HTR7: variants seen among roughly 807,000 people sequenced by gnomAD.
HTR7 encodes 5-hydroxytryptamine receptor 7.
In HTR7, 16 loss-of-function variants were observed where a neutral mutation model predicts 34.0. The observed-to-expected ratio is 0.47, with a 90% CI of 0.32 to 0.71. The LOEUF is 0.71. Ranked by LOEUF, HTR7 falls within the 30% of genes least tolerant of loss-of-function variation. The probability of loss-of-function intolerance (pLI) is 0.04; values close to 1 mark genes in which losing one functional copy is unlikely to be tolerated. For synonymous variants in HTR7, 265 were observed against 260.2 expected (o/e 1.02, Z -0.18); for missense variants, 504 against 625.5 (o/e 0.81, Z 2.07).
chr10:90,757,095 A>G (rs1184502149), intron 1 of HTR7, among the ~76,000 whole-genome samples: 2 of 152,232 alleles, frequency 1.3e-5, no homozygotes, highest in Admixed American at 1.3e-4. Context: ...AATAAAAGAA[A>G]TGAATGGCAT....
At chr10:90,776,224 T>C (rs1445528956) in intron 1 of HTR7, among the ~76,000 whole-genome samples, 1 of 152,228 alleles carries the variant, frequency 6.6e-6, no homozygotes, top group Non-Finnish European at 1.5e-5. Flanking sequence ...TACTATTTCA[T>C]GTCTGTAATA....
At chr10:90,806,183 A>G (rs376587587) in intron 1 of HTR7, among the ~76,000 whole-genome samples, 1 of 152,354 alleles carries the variant, frequency 6.6e-6, no homozygotes, top group South Asian at 2.1e-4. Context: ...TTTCTTCAAA[A>G]TGAAGAAAAA....
At chr10:90,807,603 A>C (rs57825126) in intron 1 of HTR7, among the ~76,000 whole-genome samples, 42,531 of 152,022 alleles carry the variant, frequency 0.28, 6,514 homozygotes, top group African/African-American at 0.41. Flanking sequence ...CTACCCAAAT[A>C]TTATAAAACG....
chr10:90,752,834 A>C, intron 1 of HTR7, among the ~76,000 whole-genome samples: 1 of 152,230 alleles, frequency 6.6e-6, no homozygotes, highest in Admixed American at 6.5e-5. Flanking sequence ...GTTTGATTAA[A>C]TATAAATCTC....
At chr10:90,768,111 T>A (rs982434506) in intron 1 of HTR7, among the ~76,000 whole-genome samples, 5 of 152,124 alleles carry the variant, frequency 3.3e-5, no homozygotes, top group Non-Finnish European at 7.3e-5. Context: ...ACTTAGTGAG[T>A]CTGTCCCAGA....
intron 1 of HTR7, among the ~76,000 whole-genome samples, chr10:90,805,708 T>G: frequency 6.6e-6 from 1 of 152,218 alleles, no homozygotes; most frequent in East Asian, 1.9e-4. Context: ...ATGAAAAATC[T>G]TATAACTCTG....
At chr10:90,844,761 A>G (rs1305306687) in intron 1 of HTR7, among the ~76,000 whole-genome samples, 1 of 145,720 alleles carries the variant, frequency 6.9e-6, no homozygotes, top group East Asian at 2.0e-4. Context: ...AAAAAAAAAA[A>G]AAAGATCAGT....
chr10:90,851,143 G>T (rs536965484), intron 1 of HTR7, among the ~76,000 whole-genome samples: 4 of 152,224 alleles, frequency 2.6e-5, no homozygotes, highest in South Asian at 4.1e-4. Context: ...AACCCTAAAA[G>T]TCAGGGTAAA....
At chr10:90,748,534 AGGATAT>A (rs1240333167) in intron 2 of HTR7, among the ~76,000 whole-genome samples, 3 of 152,244 alleles carry the variant, frequency 2.0e-5, no homozygotes, top group Non-Finnish European at 4.4e-5. Context: ...TTCAGATGTA[AGGATAT>A]CATTTGGATG....
chr10:90,745,495 C>T (rs1422263668), intron 2 of HTR7, among the ~76,000 whole-genome samples: 1 of 152,118 alleles, frequency 6.6e-6, no homozygotes, highest in African/African-American at 2.4e-5. Context: ...AACATTCAGG[C>T]CATAGCAACA....
At chr10:90,780,261 C>T (rs763513384) in intron 1 of HTR7, among the ~76,000 whole-genome samples, 2 of 151,926 alleles carry the variant, frequency 1.3e-5, no homozygotes, top group Non-Finnish European at 2.9e-5. Flanking sequence ...TTCGGCCGGG[C>T]GCGGTGGCTC....
chr10:90,818,560 A>C (rs141017632), intron 1 of HTR7, among the ~76,000 whole-genome samples: 61 of 152,190 alleles, frequency 4.0e-4, no homozygotes, highest in African/African-American at 1.4e-3. Flanking sequence ...AAAGAAAAAA[A>C]GTGAGTTTGG....
Position 90,857,371 on chromosome 10 carries a change from G to T in HTR7, c.301C>A (p.Leu101Met). 6.2e-7 allele frequency: 1 copy of T among 1,614,124 alleles called. No homozygotes were observed. ...ITLLTIAGNCLVVISVCFVKK... is the reference protein window; with the variant it reads ...ITLLTIAGNCMVVISVCFVKK... The stretch of plus-strand genomic sequence containing the variant: ...ACGAAGCACACGGAGATCACCACCA[G>T]GCAGTTGCCCGCGATCGTCAGCAGC... The change falls in exon 1 of 4, where the codon CTG (leucine) becomes ATG (methionine). Residue 101 changes from leucine to methionine, a missense_variant. Around this residue, in one of 4 missense-constraint regions of HTR7, gnomAD observed 154 missense variants for 248.8 expected, o/e 0.62. Transcript: ENST00000336152. The surrounding 1 kb of genome is among the most constrained non-coding windows in gnomAD (Gnocchi z 6.5).
At chr10:90,855,753 A>G (rs933128308) in intron 1 of HTR7, among the ~76,000 whole-genome samples, 1 of 152,250 alleles carries the variant, frequency 6.6e-6, no homozygotes, top group African/African-American at 2.4e-5. Context: ...TATGCAGTTC[A>G]TGCTCTGCTC....
At chr10:90,776,007 A>C (rs928622030) in intron 1 of HTR7, among the ~76,000 whole-genome samples, 2 of 152,238 alleles carry the variant, frequency 1.3e-5, no homozygotes, top group Admixed American at 6.5e-5. Flanking sequence ...TCCACATATA[A>C]AATTATTAGA....
intron 1 of HTR7, among the ~76,000 whole-genome samples, chr10:90,806,328 G>GATT (rs1845705943): frequency 6.6e-6 from 1 of 152,226 alleles, no homozygotes; most frequent in African/African-American, 2.4e-5. Context: ...GCTGGGCGCG[G>GATT]TGGCTCACGC....
At chr10:90,824,489 G>T (rs887258143) in intron 1 of HTR7, among the ~76,000 whole-genome samples, 1 of 152,180 alleles carries the variant, frequency 6.6e-6, no homozygotes, top group Non-Finnish European at 1.5e-5. Context: ...CTTGGGAAAA[G>T]CAGAAAAAAG....
chr10:90,764,458 T>A (rs969404220), intron 1 of HTR7, among the ~76,000 whole-genome samples: 1 of 152,174 alleles, frequency 6.6e-6, no homozygotes, highest in Admixed American at 6.6e-5. Flanking sequence ...TATTACTCTA[T>A]GGAAATGCAA....
intron 1 of HTR7, among the ~76,000 whole-genome samples, chr10:90,831,167 T>C (rs1014740968): frequency 1.3e-5 from 2 of 152,216 alleles, no homozygotes; most frequent in South Asian, 2.1e-4. Context: ...CTGGAGGTAG[T>C]GTGTCCGGAA....
Sources: gnomAD v4.1 joint callset for allele counts (sites outside exome capture counted in the v4.1 genomes callset) on GRCh38, gnomAD v4.1.1 for gene constraint, gnomAD v4.1.1 regional missense constraint, Gnocchi (gnomAD v3.1) non-coding constraint, MANE v1.5 for transcripts, NCBI Gene and HGNC (gene_info 2026-07-23, HGNC 2026-07-21) for gene names.